The following PHC3 variants were observed in gnomAD, a reference collection of about 807,000 sequenced individuals.
PHC3 encodes polyhomeotic homolog 3.
Under a neutral mutation model 107.4 loss-of-function variants are expected in PHC3, and 13 were observed. The observed-to-expected ratio is 0.12, with a 90% CI of 0.08 to 0.19. The LOEUF (loss-of-function observed/expected upper bound fraction) is 0.19. Among genes scored for constraint, PHC3 ranks in the 10% least tolerant of loss-of-function variants. The pLI is 1.00. For missense variants in PHC3, 992 were observed against 1,210.9 expected (o/e 0.82, Z 2.68); for synonymous variants, 456 against 427.4 (o/e 1.07, Z -0.83).
At chr3:170,098,545 G>C (rs1714951524) in intron 14 of PHC3, among the ~76,000 whole-genome samples, 1 of 152,000 alleles carries the variant, frequency 6.6e-6, no homozygotes, top group South Asian at 2.1e-4. Context: ...CCAGCACAAA[G>C]CACAAAGCAT....
At chr3:170,146,724 G>C (rs1353742593) in intron 5 of PHC3, among the ~76,000 whole-genome samples, 1 of 150,862 alleles carries the variant, frequency 6.6e-6, no homozygotes, top group Non-Finnish European at 1.5e-5. Context: ...GTAGAGACGG[G>C]GTTTCACCAT....
intron 2 of PHC3, among the ~76,000 whole-genome samples, chr3:170,177,964 C>A (rs1374459301): frequency 6.6e-6 from 1 of 152,048 alleles, no homozygotes; most frequent in Non-Finnish European, 1.5e-5. Context: ...AGCCACCACG[C>A]CTAGCCAATA....
chr3:170,169,253 G>A (rs567853960), intron 4 of PHC3, among the ~76,000 whole-genome samples: 1 of 152,066 alleles, frequency 6.6e-6, no homozygotes, highest in Non-Finnish European at 1.5e-5. Flanking sequence ...CCTGACAGCT[G>A]TTTTTTCTTC....
At chr3:170,138,415 G>A (rs1026261630) in intron 6 of PHC3, among the ~76,000 whole-genome samples, 1 of 152,020 alleles carries the variant, frequency 6.6e-6, no homozygotes, top group African/African-American at 2.4e-5. Flanking sequence ...ATACTGACTG[G>A]GTGTGGTGGC....
intron 8 of PHC3, 133 bp downstream of exon 8, chr3:170,128,551 G>C: frequency 1.6e-6 from 2 of 1,246,954 alleles, no homozygotes; most frequent in Admixed American, 5.7e-5. Context: ...ATGTTTGTCA[G>C]AATACTGACA....
At position 170,096,204 on chromosome 3, in the gene PHC3, T is replaced by C. The variant is rs1468415488; in HGVS notation, c.*1026A>G. 6.6e-6 allele frequency: 1 copy of C among 152,130 alleles called. No homozygotes were observed. The highest frequency in any genetic ancestry group is 1.9e-4 in the East Asian group (1 of 5,202). 9.4% of individuals were successfully genotyped at this position (152,130 alleles called of 1,614,324 possible). A position where few individuals can be genotyped will look rare whatever the true frequency, so the allele number is the denominator to read the frequency against. On this transcript the variant is annotated 3_prime_UTR_variant, in exon 15 of 15. Coordinates refer to ENST00000495893, the MANE Select transcript of PHC3 (RefSeq NM_024947.4). ...AATTTGTAGATTTTTTTTCTTTTTC[T>C]AGTATGATTAAACTAGAAAAAATTA...
Position 170,129,093 on chromosome 3 carries a change from G to A in PHC3, c.1379C>T (p.Ala460Val), listed in dbSNP as rs745828037. 1.2e-6 allele frequency: 2 copies of A among 1,612,238 alleles called. No homozygotes were observed. Among genetic ancestry groups the A allele is most frequent in the South Asian group, 1.1e-5 (1 of 90,824 alleles). Residue 460 changes from alanine to valine, a missense_variant, in exon 8 of 15, where the codon GCA (alanine) becomes GTA (valine). Transcript: ENST00000495893. ...QSTANQVQAT[A>V]QLNLPSHLPL... is the part of the protein sequence containing the mutation. ...AAGATGGGATGGAAGATTCAACTGT[G>A]CTGTAGCTTGCACCTGATTAGCAGT...
chr3:170,152,370 T>A (rs1387536641), intron 4 of PHC3, among the ~76,000 whole-genome samples: 2 of 145,600 alleles, frequency 1.4e-5, no homozygotes, highest in African/African-American at 5.1e-5. Flanking sequence ...GTATTTTTAG[T>A]AGAGACAGGG....
intron 14 of PHC3, 59 bp downstream of exon 14, chr3:170,102,416 TCTAA>T (rs1715657059): frequency 6.4e-7 from 1 of 1,560,810 alleles, no homozygotes; most frequent in Non-Finnish European, 8.7e-7. Context: ...TGTGGATGTA[TCTAA>T]CATTGCTGTG....
intron 7 of PHC3, among the ~76,000 whole-genome samples, chr3:170,131,576 G>A (rs889699790): frequency 3.3e-5 from 5 of 152,186 alleles, no homozygotes; most frequent in Non-Finnish European, 5.9e-5. Flanking sequence ...GCTCATGCCC[G>A]TAATCCCAGC....
intron 1 of PHC3, among the ~76,000 whole-genome samples, chr3:170,179,799 T>G (rs1291739498): frequency 6.6e-6 from 1 of 152,194 alleles, no homozygotes; most frequent in Non-Finnish European, 1.5e-5. Context: ...TTAAGTCAAT[T>G]CTAAGGACCT....
At chr3:170,143,713 G>A (rs1013674219) in intron 6 of PHC3, among the ~76,000 whole-genome samples, 1 of 152,118 alleles carries the variant, frequency 6.6e-6, no homozygotes, top group Admixed American at 6.5e-5. Context: ...TTATTGAGGT[G>A]TAACTTACAT....
At chr3:170,180,406 G>T (rs1045872005) in intron 1 of PHC3, among the ~76,000 whole-genome samples, 1 of 152,088 alleles carries the variant, frequency 6.6e-6, no homozygotes, top group Admixed American at 6.6e-5. Flanking sequence ...CTATGATCGT[G>T]CCACTGCACT....
At chr3:170,128,538 A>G in intron 8 of PHC3, 146 bp downstream of exon 8, 1 of 1,178,908 alleles carries the variant, frequency 8.5e-7, no homozygotes, top group Admixed American at 2.9e-5. Context: ...TTGCCCATAC[A>G]GCATGTTTGT....
intron 4 of PHC3, among the ~76,000 whole-genome samples, chr3:170,167,054 C>A (rs1396325356): frequency 6.6e-6 from 1 of 152,204 alleles, no homozygotes; most frequent in Non-Finnish European, 1.5e-5. Flanking sequence ...AGTATACCTA[C>A]TTTTTCACAT....
rs1716623875 is a variant in PHC3, at chr3:170,106,813, T to C, written c.2468+19A>G. On this transcript the variant is annotated intron_variant, in intron 12 of 14. Transcript: ENST00000495893. ...GGCTATTTATCTGTCCTTTGGGAAATTCAAGAGCACAGAAATACCTTTTGG... is the reference window on the plus strand; with the variant it reads ...GGCTATTTATCTGTCCTTTGGGAAACTCAAGAGCACAGAAATACCTTTTGG... 1 of 1,584,102 alleles carries C rather than the reference T, an allele frequency of 6.3e-7. No homozygotes were observed. The highest frequency in any genetic ancestry group is 8.6e-7 in the Non-Finnish European group (1 of 1,164,442).
intron 1 of PHC3, 27 bp downstream of exon 1, chr3:170,181,672 TACG>T (rs776481718): frequency 3.8e-5 from 62 of 1,613,230 alleles, no homozygotes; most frequent in Non-Finnish European, 5.3e-5. Context: ...CCCCCCTAGT[TACG>T]ACATCAGTCA....
chr3:170,166,462 G>C (rs2108715501), intron 4 of PHC3, among the ~76,000 whole-genome samples: 1 of 152,260 alleles, frequency 6.6e-6, no homozygotes, highest in Non-Finnish European at 1.5e-5. Context: ...TCTCTCTGTA[G>C]ACACATATAC....
Position 170,090,259 on chromosome 3 carries a change from C to T in PHC3, c.*6971G>A, listed in dbSNP as rs1713952728. The stretch of plus-strand genomic sequence containing the variant: ...TTTACCCAATGTATACAAATATTCC[C>T]TCCCAGTTCCAAGTTTATTAAGATT... On this transcript the variant is annotated 3_prime_UTR_variant, in exon 15 of 15. Transcript: ENST00000495893. The T allele has an allele frequency of 6.6e-6, 1 of 152,166 alleles. No individual in the cohort carries two copies. Among genetic ancestry groups the T allele is most frequent in the African/African-American group, 2.4e-5 (1 of 41,438 alleles). 9.4% of individuals were successfully genotyped at this position (152,166 alleles called of 1,614,324 possible). A position where few individuals can be genotyped will look rare whatever the true frequency, so the allele number is the denominator to read the frequency against.
Sources: allele counts gnomAD v4.1 joint callset (sites outside exome capture counted in the v4.1 genomes callset), GRCh38; gene constraint gnomAD v4.1.1; transcripts MANE v1.5; gene names NCBI Gene and HGNC (gene_info 2026-07-23, HGNC 2026-07-21).